The following TPCN1 variants were observed in gnomAD, a reference collection of about 807,000 sequenced individuals.
TPCN1 encodes two pore segment channel 1, also known as two pore channel protein 1.
A neutral mutation model predicts 108.8 loss-of-function variants in TPCN1; 52 were observed. That is an observed-to-expected ratio of 0.48 (90% CI 0.38 to 0.60). TPCN1 has a LOEUF of 0.60. TPCN1 is among the 20% of genes least tolerant of loss of function. TPCN1 has a pLI of 0.00. For missense variants in TPCN1, 806 were observed against 1,072.8 expected (o/e 0.75, Z 3.47); for synonymous variants, 446 against 433.7 (o/e 1.03, Z -0.35).
intron 10 of TPCN1, among the ~76,000 whole-genome samples, chr12:113,274,576 CATGG>C (rs1955611832): frequency 6.6e-6 from 1 of 152,146 alleles, no homozygotes; most frequent in South Asian, 2.1e-4. Context: ...TGGTTGAATG[CATGG>C]ATGGAGAACC....
At chr12:113,261,207 T>C (rs1046264655) in intron 3 of TPCN1, among the ~76,000 whole-genome samples, 7 of 152,070 alleles carry the variant, frequency 4.6e-5, no homozygotes, top group African/African-American at 1.7e-4. Context: ...AAATTTTGTA[T>C]TTTTGTGTGA....
At position 113,288,469 on chromosome 12, in the gene TPCN1, C is replaced by A; in HGVS notation, c.1706+235C>A. 6.7e-7 allele frequency: 1 copy of A among 1,499,306 alleles called. No homozygotes were observed. The highest frequency in any genetic ancestry group is 8.9e-7 in the Non-Finnish European group (1 of 1,126,064). The allele number at this position is 1,499,306 out of a possible 1,614,324, so 92.9% of individuals were successfully genotyped here. A position where few individuals can be genotyped will look rare whatever the true frequency, so the allele number is the denominator to read the frequency against. On this transcript the variant is annotated intron_variant, in intron 20 of 27. Coordinates refer to ENST00000335509, the MANE Select transcript of TPCN1 (RefSeq NM_017901.6). This position sits in a 1 kb window ranked among gnomAD's most constrained non-coding sequence, Gnocchi z 4.8. ...GGGAGGGCAGGGAGCTGTCAACTCG[C>A]TTACCACCTGTGTCTACATTCACAG...
At chr12:113,248,097 T>TA (rs1425251370) in intron 2 of TPCN1, among the ~76,000 whole-genome samples, 1 of 152,216 alleles carries the variant, frequency 6.6e-6, no homozygotes, top group Admixed American at 6.5e-5. Flanking sequence ...AATACAAACT[T>TA]ACCACATCAC....
intron 2 of TPCN1, among the ~76,000 whole-genome samples, chr12:113,254,481 A>C (rs1010785760): frequency 6.6e-6 from 1 of 152,204 alleles, no homozygotes; most frequent in African/African-American, 2.4e-5. Flanking sequence ...GACTAGGGGG[A>C]CTTAGCTCAG....
At chr12:113,225,275 T>C (rs888416845) in intron 1 of TPCN1, 9 of 451,676 alleles carry the variant, frequency 2.0e-5, no homozygotes, top group Non-Finnish European at 4.0e-5. Context: ...CCCAGGCTGG[T>C]CTTGAACTGC....
chr12:113,231,414 C>T lies in TPCN1; in HGVS notation c.112+4450C>T, dbSNP rs1045792270. ...TGTCTGTCCTCTTCAGATAAGGACA[C>T]CAGTCCTATTGGATTAGGGCTCATC... On this transcript the variant is annotated intron_variant, in intron 2 of 27. Transcript: ENST00000335509. The surrounding 1 kb of genome is among the most constrained non-coding windows in gnomAD (Gnocchi z 4.3). 2.6e-5 allele frequency among the ~76,000 whole-genome samples: 4 copies of T among 152,228 alleles called. No individual in the cohort carries two copies. Among genetic ancestry groups the T allele is most frequent in the Non-Finnish European group, 5.9e-5 (4 of 68,038 alleles).
intron 7 of TPCN1, among the ~76,000 whole-genome samples, chr12:113,270,756 G>A (rs1293950912): frequency 6.6e-6 from 1 of 152,104 alleles, no homozygotes; most frequent in Non-Finnish European, 1.5e-5. Flanking sequence ...TGTGATTATA[G>A]GCGTGGGCCA....
chr12:113,291,073 G>A, intron 23 of TPCN1, 75 bp downstream of exon 23: 2 of 1,389,040 alleles, frequency 1.4e-6, no homozygotes, highest in South Asian at 1.2e-5. Flanking sequence ...CCAACCCAGA[G>A]TATATAATTC....
chr12:113,260,239 GT>G, intron 2 of TPCN1, 128 bp from the exon 3 acceptor site: 1 of 1,054,210 alleles, frequency 9.5e-7, no homozygotes, highest in Non-Finnish European at 1.3e-6. Context: ...CAGCATGGAG[GT>G]TGATTTGAAG....
intron 2 of TPCN1, among the ~76,000 whole-genome samples, chr12:113,253,652 CAAGT>C (rs1019740546): frequency 7.9e-5 from 12 of 152,136 alleles, no homozygotes; most frequent in African/African-American, 2.7e-4. Context: ...CTCGGTTCCA[CAAGT>C]AAGTGCCCCA....
intron 22 of TPCN1, 71 bp downstream of exon 22, chr12:113,290,314 C>A: frequency 9.1e-7 from 1 of 1,093,566 alleles, no homozygotes; most frequent in South Asian, 1.4e-5. Context: ...CACCACGGGT[C>A]CCAGAGGTGG....
At chr12:113,235,899 G>A (rs1266270620) in intron 2 of TPCN1, among the ~76,000 whole-genome samples, 2 of 152,176 alleles carry the variant, frequency 1.3e-5, no homozygotes, top group African/African-American at 4.8e-5. Context: ...AGATGAACAG[G>A]AAGTGAAAGA....
Position 113,288,273 on chromosome 12 carries a change from C to G in TPCN1, c.1706+39C>G. The G allele has an allele frequency of 6.2e-7, 1 of 1,612,824 alleles. No homozygotes were observed. Among genetic ancestry groups the G allele is most frequent in the Non-Finnish European group, 8.5e-7 (1 of 1,179,654 alleles). On this transcript the variant is annotated intron_variant, in intron 20 of 27. Transcript: ENST00000335509. The surrounding 1 kb of genome is among the most constrained non-coding windows in gnomAD (Gnocchi z 4.8). ...CCACCCTGGCCTGCAGGTCCAGGTG[C>G]CGTGTGGCAGTGCCCCGTGGGGGCG... is the stretch of plus-strand genomic sequence containing the variant.
chr12:113,267,506 C>T (rs1327920337), intron 4 of TPCN1, among the ~76,000 whole-genome samples: 1 of 151,936 alleles, frequency 6.6e-6, no homozygotes, highest in African/African-American at 2.4e-5. Context: ...TCAAGCGATT[C>T]TCCTGCCTCA....
At chr12:113,224,373 TACGC>T (rs1953390679) in intron 1 of TPCN1, among the ~76,000 whole-genome samples, 1 of 152,222 alleles carries the variant, frequency 6.6e-6, no homozygotes, top group South Asian at 2.1e-4. Context: ...TCATACATAG[TACGC>T]ACTCATTGAG....
intron 22 of TPCN1, among the ~76,000 whole-genome samples, chr12:113,290,654 A>G (rs747119948): frequency 6.6e-6 from 1 of 152,194 alleles, no homozygotes; most frequent in Non-Finnish European, 1.5e-5. Flanking sequence ...CCTCTCCAGA[A>G]AAAGGGTGTG....
chr12:113,265,773 C>T (rs1955236706), intron 3 of TPCN1, among the ~76,000 whole-genome samples: 1 of 152,040 alleles, frequency 6.6e-6, no homozygotes, highest in Admixed American at 6.5e-5. Context: ...GTTGGGATTA[C>T]AGGCATGAGC....
At chr12:113,265,176 C>T (rs1175307222) in intron 3 of TPCN1, among the ~76,000 whole-genome samples, 4 of 152,168 alleles carry the variant, frequency 2.6e-5, no homozygotes, top group African/African-American at 9.7e-5. Flanking sequence ...GGGTTATTGG[C>T]TTCTTTTTTT....
intron 19 of TPCN1, 162 bp downstream of exon 19, chr12:113,287,256 CT>C (rs1956114681): frequency 1.6e-6 from 1 of 627,736 alleles, no homozygotes; most frequent in Admixed American, 2.7e-5. Context: ...ATCCCCACCC[CT>C]GAGGGTGTGC....
Sources: gnomAD v4.1 joint callset for allele counts (sites outside exome capture counted in the v4.1 genomes callset) on GRCh38, gnomAD v4.1.1 for gene constraint, Gnocchi (gnomAD v3.1) non-coding constraint, MANE v1.5 for transcripts, NCBI Gene and HGNC (gene_info 2026-07-23, HGNC 2026-07-21) for gene names.